The following EVA1C variants were observed in gnomAD, a reference collection of about 807,000 sequenced individuals.
EVA1C encodes eva-1 homolog C.
EVA1C carries 25 observed loss-of-function variants against 45.4 expected under a neutral mutation model. The ratio of observed to expected loss-of-function variants is 0.55; its 90% CI spans 0.40 to 0.77. EVA1C has a LOEUF of 0.77. EVA1C is among the 30% of genes least tolerant of loss of function. The pLI is 0.00. For synonymous variants in EVA1C, 190 were observed against 221.2 expected (o/e 0.86, Z 1.25); for missense variants, 479 against 554.8 (o/e 0.86, Z 1.37).
rs376417941 is a variant in EVA1C at position 32,477,057 on chromosome 21, T to C, written c.634+9209T>C. Among the ~76,000 whole-genome samples the C allele has an allele frequency of 3.3e-4, 50 of 152,062 alleles. 1 individual carries two copies. The highest frequency in any genetic ancestry group is 1.2e-3 in the African/African-American group (49 of 41,466). ...AAGCACATAGACAGTTACATCCATA[T>C]GGAAAGGGGGTAAAGAGAGATGCCA... is the stretch of plus-strand genomic sequence containing the variant. On this transcript the variant is annotated intron_variant, in intron 4 of 7. Coordinates refer to ENST00000300255, the MANE Select transcript of EVA1C (RefSeq NM_058187.5).
At position 32,474,742 on chromosome 21, in the gene EVA1C, C is replaced by A. The variant is rs2036495405; in HGVS notation, c.634+6894C>A. 6.6e-6 allele frequency among the ~76,000 whole-genome samples: 1 copy of A among 152,226 alleles called. No individual in the cohort carries two copies. Among genetic ancestry groups the A allele is most frequent in the Non-Finnish European group, 1.5e-5 (1 of 68,050 alleles). ...TCTGAAGTGAGGTGCCCACACTCGG[C>A]TCCCGAGGATGGATAATCGTCTGGT... On this transcript the variant is annotated intron_variant, in intron 4 of 7. Coordinates refer to ENST00000300255, the MANE Select transcript of EVA1C (RefSeq NM_058187.5). The surrounding 1 kb of genome is among the most constrained non-coding windows in gnomAD (Gnocchi z 4.4).
At chr21:32,488,382 T>C (rs1235451271) in intron 4 of EVA1C, among the ~76,000 whole-genome samples, 1 of 152,154 alleles carries the variant, frequency 6.6e-6, no homozygotes, top group African/African-American at 2.4e-5. Context: ...TTCATGCTCT[T>C]TTCCATAATG....
At chr21:32,494,019 C>G (rs904002537) in intron 4 of EVA1C, among the ~76,000 whole-genome samples, 17 of 152,112 alleles carry the variant, frequency 1.1e-4, no homozygotes, top group African/African-American at 4.1e-4. Context: ...AGGTTGGTCT[C>G]GAATTCCTGA....
intron 3 of EVA1C, among the ~76,000 whole-genome samples, chr21:32,459,171 C>T (rs2035903376): frequency 6.6e-6 from 1 of 152,112 alleles, no homozygotes; most frequent in South Asian, 2.1e-4. Flanking sequence ...ACCTTATACC[C>T]CATTATACAC....
chr21:32,425,110 A>G (rs563167734), intron 1 of EVA1C, among the ~76,000 whole-genome samples: 1 of 152,040 alleles, frequency 6.6e-6, no homozygotes, highest in African/African-American at 2.4e-5. Flanking sequence ...CAGGAGTTTG[A>G]GATCAGCCTG....
intron 1 of EVA1C, among the ~76,000 whole-genome samples, chr21:32,424,642 C>T (rs1379225175): frequency 1.3e-5 from 2 of 152,120 alleles, no homozygotes; most frequent in African/African-American, 4.8e-5. Flanking sequence ...ACCCTGGACA[C>T]AAAGACTCAG....
chr21:32,434,636 T>TTA (rs200296987), intron 1 of EVA1C, among the ~76,000 whole-genome samples: 45 of 134,610 alleles, frequency 3.3e-4, no homozygotes, highest in East Asian at 1.9e-3. Context: ...AAATAAAATT[T>TTA]TATATATATA....
intron 1 of EVA1C, among the ~76,000 whole-genome samples, chr21:32,420,401 T>C (rs2146110315): frequency 6.6e-6 from 1 of 152,314 alleles, no homozygotes. Context: ...TCTTTTACTT[T>C]TGAGATAGGG....
At chr21:32,424,883 G>A (rs955266326) in intron 1 of EVA1C, among the ~76,000 whole-genome samples, 10 of 152,142 alleles carry the variant, frequency 6.6e-5, no homozygotes, top group Admixed American at 5.9e-4. Flanking sequence ...TTCTCATAGA[G>A]TCTCATTCTG....
At chr21:32,450,310 G>A (rs2035532472) in intron 1 of EVA1C, among the ~76,000 whole-genome samples, 1 of 152,030 alleles carries the variant, frequency 6.6e-6, no homozygotes, top group South Asian at 2.1e-4. Flanking sequence ...TGTGGAGCAG[G>A]CAGCTCCTCT....
At chr21:32,481,332 A>G (rs2036776851) in intron 4 of EVA1C, among the ~76,000 whole-genome samples, 1 of 151,910 alleles carries the variant, frequency 6.6e-6, no homozygotes, top group South Asian at 2.1e-4. Context: ...AGAGGAATTC[A>G]GTGAAGAAGG....
rs60401587 is a variant in EVA1C, at chr21:32,503,549, A to AAAATAAATAAAT, written c.860-369_860-358dup. ...GCAACAAGAGTGAAACTCCATCTCA[A>AAAATAAATAAAT]AAATAAATAAATAAATAAAATAAAG... On this transcript the variant is annotated intron_variant, in intron 6 of 7. Coordinates refer to ENST00000300255, the MANE Select transcript of EVA1C (RefSeq NM_058187.5). Among the ~76,000 whole-genome samples the AAAATAAATAAAT allele has an allele frequency of 7.2e-4, 108 of 149,212 alleles. 2 individuals are homozygous for AAAATAAATAAAT. The highest frequency in any genetic ancestry group is 2.4e-3 in the African/African-American group (94 of 39,836).
intron 4 of EVA1C, among the ~76,000 whole-genome samples, chr21:32,490,861 G>T (rs57053569): frequency 0.034 from 5,152 of 152,276 alleles, 233 homozygotes; most frequent in African/African-American, 0.1. Flanking sequence ...GCTAGCAAAG[G>T]CACCAGGAGT....
intron 6 of EVA1C, among the ~76,000 whole-genome samples, chr21:32,502,050 T>C (rs1244408066): frequency 7.2e-6 from 1 of 139,704 alleles, no homozygotes; most frequent in East Asian, 2.2e-4. Flanking sequence ...CTTTCTTTCT[T>C]TCTTCTTTCT....
At chr21:32,413,655 G>A (rs1159348167) in intron 1 of EVA1C, among the ~76,000 whole-genome samples, 1 of 152,194 alleles carries the variant, frequency 6.6e-6, no homozygotes, top group African/African-American at 2.4e-5. Flanking sequence ...TTTCTTTTTG[G>A]GAATCGTGAT....
intron 2 of EVA1C, among the ~76,000 whole-genome samples, chr21:32,456,497 A>G (rs186934752): frequency 6.6e-6 from 1 of 152,026 alleles, no homozygotes; most frequent in African/African-American, 2.4e-5. Flanking sequence ...CTGGGGTCTG[A>G]GGGGTTTCTT....
chr21:32,446,630 G>A (rs923441247), intron 1 of EVA1C, among the ~76,000 whole-genome samples: 7 of 152,222 alleles, frequency 4.6e-5, no homozygotes, highest in Admixed American at 2.6e-4. Flanking sequence ...GCAGCATGCC[G>A]GAAAGGGTGT....
chr21:32,504,435 C>T (rs1471279956), intron 7 of EVA1C, among the ~76,000 whole-genome samples: 5 of 152,196 alleles, frequency 3.3e-5, no homozygotes, highest in Admixed American at 2.0e-4. Context: ...CTTTCTGGGT[C>T]ATGAGTGTTA....
intron 1 of EVA1C, chr21:32,428,447 T>C (rs1175491602): frequency 6.6e-6 from 1 of 152,250 alleles, no homozygotes; most frequent in Non-Finnish European, 1.5e-5. Flanking sequence ...GGTCTGTTAC[T>C]GTGTGGAGGA....
Sources: gnomAD v4.1 joint callset for allele counts (sites outside exome capture counted in the v4.1 genomes callset) on GRCh38, gnomAD v4.1.1 for gene constraint, Gnocchi (gnomAD v3.1) non-coding constraint, MANE v1.5 for transcripts, NCBI Gene and HGNC (gene_info 2026-07-23, HGNC 2026-07-21) for gene names.